The following ECHDC1 variants were observed in gnomAD, a reference collection of about 807,000 sequenced individuals.
ECHDC1 encodes the protein ethylmalonyl-CoA decarboxylase.
A neutral mutation model predicts 29.7 loss-of-function variants in ECHDC1; 29 were observed. That is an observed-to-expected ratio of 0.98 (90% CI 0.73 to 1.33). The LOEUF is 1.33. Among genes scored for constraint, ECHDC1 ranks in the 40% most tolerant of loss-of-function variants. The pLI, the probability that ECHDC1 is intolerant of heterozygous loss-of-function variation, is 0.00. For synonymous variants in ECHDC1, 126 were observed against 123.1 expected (o/e 1.02, Z -0.15); for missense variants, 328 against 350.0 (o/e 0.94, Z 0.50).
At chr6:127,294,391 C>A (rs887140787) in intron 5 of ECHDC1, 3 of 152,186 alleles carry the variant, frequency 2.0e-5, no homozygotes, top group African/African-American at 7.2e-5. Flanking sequence ...CATAAACTTA[C>A]TTGTTCACAC....
At position 127,295,816 on chromosome 6, in the gene ECHDC1, A is replaced by T. The variant is rs562763639; in HGVS notation, c.498-5539T>A. 8.5e-4 allele frequency among the ~76,000 whole-genome samples: 130 copies of T among 152,352 alleles called. 1 individual carries two copies. Among genetic ancestry groups the T allele is most frequent in the Non-Finnish European group, 1.2e-3 (84 of 68,030 alleles). On this transcript the variant is annotated intron_variant, in intron 5 of 5. Coordinates refer to ENST00000454859, the MANE Select transcript of ECHDC1 (RefSeq NM_001002030.2). ...GTGGATAAAGCCTTTTGCATAAGGT[A>T]ATTATCACAGCATTAATCATTTTAG...
At chr6:127,306,191 T>C (rs980439814) in intron 5 of ECHDC1, among the ~76,000 whole-genome samples, 4 of 152,004 alleles carry the variant, frequency 2.6e-5, no homozygotes, top group East Asian at 1.9e-4. Context: ...AAGACAAAAA[T>C]TGTTAAGAAG....
At chr6:127,314,518 A>C (rs2114616147) in intron 5 of ECHDC1, among the ~76,000 whole-genome samples, 1 of 152,118 alleles carries the variant, frequency 6.6e-6, no homozygotes, top group South Asian at 2.1e-4. Flanking sequence ...TTGGATTTTT[A>C]AGTTTCATAT....
At chr6:127,334,773 A>G (rs866669454) in intron 1 of ECHDC1, among the ~76,000 whole-genome samples, 2 of 152,054 alleles carry the variant, frequency 1.3e-5, no homozygotes, top group Admixed American at 6.6e-5. Flanking sequence ...CTGAATTTCT[A>G]TATTTCCACC....
intron 2 of ECHDC1, chr6:127,329,808 C>A (rs1268429632): frequency 2.5e-6 from 1 of 407,868 alleles, no homozygotes; most frequent in South Asian, 1.8e-5. Flanking sequence ...TTTAAAATTG[C>A]ACATGTGGCT....
intron 5 of ECHDC1, among the ~76,000 whole-genome samples, chr6:127,306,517 A>G (rs1354736857): frequency 6.6e-6 from 1 of 152,072 alleles, no homozygotes; most frequent in East Asian, 1.9e-4. Flanking sequence ...AGTTCTCATG[A>G]GATTTTGTTT....
chr6:127,319,891 T>C (rs1370701498), intron 3 of ECHDC1, among the ~76,000 whole-genome samples: 1 of 152,180 alleles, frequency 6.6e-6, no homozygotes, highest in Non-Finnish European at 1.5e-5. Context: ...CTCTAAGCCA[T>C]GTTTAGAGTG....
chr6:127,342,458 C>T (rs563486567), intron 1 of ECHDC1: 3 of 1,397,792 alleles, frequency 2.1e-6, no homozygotes, highest in Non-Finnish European at 2.9e-6. Context: ...CAGGCCAGAA[C>T]CCAATAAAAA....
intron 3 of ECHDC1, among the ~76,000 whole-genome samples, chr6:127,326,154 G>A (rs763791709): frequency 1.6e-4 from 25 of 152,324 alleles, no homozygotes; most frequent in Non-Finnish European, 2.9e-4. Context: ...GAAGGATGAA[G>A]GAGGGGCCTG....
chr6:127,314,072 G>A (rs9398837), intron 5 of ECHDC1, among the ~76,000 whole-genome samples: 110,984 of 151,930 alleles, frequency 0.73, 40,710 homozygotes, highest in East Asian at 0.78. Context: ...TTTTACCTCT[G>A]ATTGTGCTAT....
chr6:127,309,723 A>G (rs1274911010), intron 5 of ECHDC1, among the ~76,000 whole-genome samples: 2 of 152,172 alleles, frequency 1.3e-5, no homozygotes, highest in African/African-American at 4.8e-5. Context: ...AAGAGGTTTA[A>G]TTGACTCATA....
intron 3 of ECHDC1, among the ~76,000 whole-genome samples, chr6:127,324,853 T>C (rs1421406195): frequency 6.6e-6 from 1 of 152,168 alleles, no homozygotes; most frequent in Non-Finnish European, 1.5e-5. Flanking sequence ...TATAAATAAC[T>C]GAATAAATAA....
chr6:127,341,716 G>A (rs906292171), intron 1 of ECHDC1: 3 of 152,148 alleles, frequency 2.0e-5, no homozygotes, highest in African/African-American at 7.2e-5. Context: ...AAGGTGATCT[G>A]TTTCCCTTTA....
At chr6:127,297,387 A>G (rs897931947) in intron 5 of ECHDC1, among the ~76,000 whole-genome samples, 2 of 152,204 alleles carry the variant, frequency 1.3e-5, no homozygotes, top group Non-Finnish European at 2.9e-5. Context: ...GAATGCAAAA[A>G]CTAAATCAAG....
chr6:127,315,204 T>C (rs1430767801), intron 4 of ECHDC1: 4 of 504,202 alleles, frequency 7.9e-6, no homozygotes, highest in African/African-American at 1.9e-5. Flanking sequence ...ATGGATGCTT[T>C]TGTCTAATTT....
chr6:127,294,178 A>C (rs113049021), intron 5 of ECHDC1, among the ~76,000 whole-genome samples: 182 of 152,306 alleles, frequency 1.2e-3, no homozygotes, highest in African/African-American at 3.9e-3. Context: ...ATGATGTTAT[A>C]CATTTAAAGT....
intron 5 of ECHDC1, chr6:127,313,566 A>T (rs1203075485): frequency 2.2e-6 from 1 of 456,058 alleles, no homozygotes; most frequent in African/African-American, 2.0e-5. Flanking sequence ...GCCAGCGCAG[A>T]ATCACTTTCT....
chr6:127,312,293 A>G (rs1782006870), intron 5 of ECHDC1, among the ~76,000 whole-genome samples: 1 of 152,206 alleles, frequency 6.6e-6, no homozygotes, highest in African/African-American at 2.4e-5. Context: ...ACAACAAAGA[A>G]AAAGAAGATA....
chr6:127,303,144 T>C (rs1781181952), intron 5 of ECHDC1, among the ~76,000 whole-genome samples: 1 of 152,074 alleles, frequency 6.6e-6, no homozygotes, highest in South Asian at 2.1e-4. Flanking sequence ...GAAAAATTAA[T>C]ATAAAATTTA....
Sources: gnomAD v4.1 joint callset for allele counts (sites outside exome capture counted in the v4.1 genomes callset) on GRCh38, gnomAD v4.1.1 for gene constraint, MANE v1.5 for transcripts, NCBI Gene and HGNC (gene_info 2026-07-23, HGNC 2026-07-21) for gene names.